Variants in ZRANB1 observed in about 807,000 individuals in gnomAD.
ZRANB1 encodes the protein zinc finger RANBP2-type containing 1.
ZRANB1 carries 16 observed loss-of-function variants against 80.5 expected under a neutral mutation model. The observed-to-expected ratio is 0.20, with a 90% CI of 0.13 to 0.30. ZRANB1 has a LOEUF of 0.30. ZRANB1 is among the 10% of genes least tolerant of loss of function. ZRANB1 has a pLI of 1.00. For missense variants in ZRANB1, 576 were observed against 862.6 expected, an observed-to-expected ratio of 0.67 and a Z score of 4.16; for synonymous variants, 291 against 293.1, an observed-to-expected ratio of 0.99 and a Z score of 0.07.
Position 124,972,137 on chromosome 10 carries a change from G to A in ZRANB1, c.1156+19G>A, listed in dbSNP as rs138810144. 50 of 1,600,184 alleles carry A rather than the reference G, an allele frequency of 3.1e-5. No individual in the cohort carries two copies. The highest frequency in any genetic ancestry group is 1.7e-4 in the Middle Eastern group (1 of 5,986). ...CCAGCAGGTAACTCCAAAATCTAAC[G>A]TAAAAAGACTTTTTTATTTTATTAT... On this transcript the variant is annotated intron_variant, in intron 3 of 8. Transcript: ENST00000359653.
intron 1 of ZRANB1, among the ~76,000 whole-genome samples, chr10:124,956,190 A>G (rs993900923): frequency 2.6e-5 from 4 of 152,218 alleles, no homozygotes; most frequent in African/African-American, 9.6e-5. Flanking sequence ...CTTTCATTTA[A>G]AAAAGAAAGT....
In ZRANB1 at chr10:124,943,306, G is replaced by A. The variant is rs1433318662; in HGVS notation, c.813G>A (p.Val271=). 1 of 1,609,796 alleles carries A rather than the reference G, an allele frequency of 6.2e-7. No individual in the cohort carries two copies. The highest frequency in any genetic ancestry group is 1.1e-5 in the South Asian group (1 of 90,780). The change falls in exon 1 of 9, where the codon GTG becomes GTA. Residue 271 remains valine, a splice_region_variant and synonymous_variant. Transcript: ENST00000359653. The part of the protein sequence containing the change: ...KTDWLFLNAC[V]GVVEGDLAAI... ...ATTGGCTCTTCCTCAATGCTTGTGT[G>A]GGTAAGTTTCTGTATTCTGCATTTT...
chr10:124,974,132 T>C (rs1951853000), intron 4 of ZRANB1, 68 bp from the exon 5 acceptor site: 2 of 1,510,590 alleles, frequency 1.3e-6, no homozygotes, highest in Admixed American at 1.7e-5. Context: ...AAATAGGTTC[T>C]TCTCCCCATG....
the ZRANB1 span, among the ~76,000 whole-genome samples, chr10:124,920,484 CTGTA>C: frequency 4.0e-4 from 61 of 152,174 alleles, no homozygotes; most frequent in African/African-American, 1.4e-3. Context: ...TCAAGTTTCT[CTGTA>C]GTCTGGAACT....
intron 1 of ZRANB1, among the ~76,000 whole-genome samples, chr10:124,954,041 A>G (rs1392798163): frequency 6.8e-5 from 10 of 147,996 alleles, no homozygotes; most frequent in South Asian, 2.1e-4. Context: ...ATCACAGCTC[A>G]CTGCAGCCTC....
chr10:124,928,291 C>G, the ZRANB1 span, among the ~76,000 whole-genome samples: 1 of 151,990 alleles, frequency 6.6e-6, no homozygotes, highest in Non-Finnish European at 1.5e-5. Flanking sequence ...CCGAAGCATG[C>G]GGATGAGGTT....
At chr10:124,973,250 C>T (rs1336298703) in intron 3 of ZRANB1, among the ~76,000 whole-genome samples, 1 of 152,132 alleles carries the variant, frequency 6.6e-6, no homozygotes, top group African/African-American at 2.4e-5. Context: ...CCTCCCCAGG[C>T]TCAAACAGTT....
At chr10:124,920,523 A>T in the ZRANB1 span, among the ~76,000 whole-genome samples, 2 of 152,054 alleles carry the variant, frequency 1.3e-5, no homozygotes, top group African/African-American at 4.8e-5. Flanking sequence ...TCCTAACTCT[A>T]ATTTATTTGT....
chr10:124,985,021 G>C lies in ZRANB1; in HGVS notation c.*29G>C. Reference sequence around the variant, plus strand: ...AAAAAATCAAACAGCAGAAGACCAAGGCATCAGATCTGTAATGACCCTAAA... The same window carrying C: ...AAAAAATCAAACAGCAGAAGACCAACGCATCAGATCTGTAATGACCCTAAA... On this transcript the variant is annotated 3_prime_UTR_variant, in exon 9 of 9. Transcript: ENST00000359653. 6.5e-7 allele frequency: 1 copy of C among 1,542,314 alleles called. No individual in the cohort carries two copies. The highest frequency in any genetic ancestry group is 1.2e-5 in the South Asian group (1 of 86,126).
At chr10:124,973,901 T>C (rs1176416241) in intron 4 of ZRANB1, among the ~76,000 whole-genome samples, 185 bp downstream of exon 4, 7 of 152,338 alleles carry the variant, frequency 4.6e-5, no homozygotes, top group African/African-American at 1.4e-4. Context: ...CAAATAAAGA[T>C]ACAAAAATTT....
rs1268931912 is a variant in ZRANB1, at chr10:124,988,184, A to G, written c.*3192A>G. 1 of 152,638 alleles carries G rather than the reference A, an allele frequency of 6.6e-6. No homozygotes were observed. Among genetic ancestry groups the G allele is most frequent in the Non-Finnish European group, 1.5e-5 (1 of 68,048 alleles). 9.5% of individuals were successfully genotyped at this position (152,638 alleles called of 1,614,324 possible). On this transcript the variant is annotated 3_prime_UTR_variant, in exon 9 of 9. Coordinates refer to ENST00000359653, the MANE Select transcript of ZRANB1 (RefSeq NM_017580.3). ...TTTCAATTAAACTTTTTGTTATCACAGGTAATTAATTGTCAGCGGTCTTGA... is the reference window on the plus strand; with the variant it reads ...TTTCAATTAAACTTTTTGTTATCACGGGTAATTAATTGTCAGCGGTCTTGA...
At position 124,974,264 on chromosome 10, in the gene ZRANB1, A is replaced by G. The variant is rs751334726; in HGVS notation, c.1293A>G (p.Arg431=). Residue 431 remains arginine (R), a synonymous_variant, in exon 5 of 9, where the codon CGA becomes CGG. Coordinates refer to ENST00000359653, the MANE Select transcript of ZRANB1 (RefSeq NM_017580.3). ...SLELATRLDS[R]LYALWNRTAG... ...AATTGGCTACACGTTTGGACAGTCG[A>G]CTGTATGCACTTTGGAACCGGACTG... is the stretch of plus-strand genomic sequence containing the variant. 3.1e-6 allele frequency: 5 copies of G among 1,614,240 alleles called. No individual in the cohort carries two copies. The highest frequency in any genetic ancestry group is 1.3e-5 in the African/African-American group (1 of 75,058).
At chr10:124,978,552 C>T (rs1951901195) in intron 5 of ZRANB1, among the ~76,000 whole-genome samples, 1 of 152,112 alleles carries the variant, frequency 6.6e-6, no homozygotes, top group South Asian at 2.1e-4. Context: ...CATGCCAACC[C>T]AATTTCCCAC....
At chr10:124,919,921 C>CTT in the ZRANB1 span, among the ~76,000 whole-genome samples, 107 of 62,004 alleles carry the variant, frequency 1.7e-3, 2 homozygotes, top group African/African-American at 5.5e-3. Context: ...CCCCCCCCCC[C>CTT]TTTTTTTTTT....
At chr10:124,981,908 G>A in intron 6 of ZRANB1, 79 bp downstream of exon 6, 1 of 1,549,102 alleles carries the variant, frequency 6.5e-7, no homozygotes, top group South Asian at 1.2e-5. Context: ...AGCAAACCAT[G>A]TTGGGGGCAA....
Position 124,983,267 on chromosome 10 carries a change from T to C in ZRANB1, c.1641T>C (p.Ser547=), listed in dbSNP as rs746021959. The change falls in exon 7 of 9, where the codon AGT becomes AGC. Residue 547 remains serine (S), a synonymous_variant. Coordinates refer to ENST00000359653, the MANE Select transcript of ZRANB1 (RefSeq NM_017580.3). The surrounding 1 kb of genome is among the most constrained non-coding windows in gnomAD (Gnocchi z 6.2). ...IIVYGVKYYK[S]FRGETLGYTR... The stretch of plus-strand genomic sequence containing the variant: ...TTTATGGAGTAAAATATTACAAGAG[T>C]TTCCGGGGAGAAACTTTAGGATATA... 3.1e-6 allele frequency: 5 copies of C among 1,613,828 alleles called. No homozygotes were observed. In the South Asian group the frequency reaches 4.4e-5, roughly 14 times the overall value.
chr10:124,933,210 C>G, the ZRANB1 span, among the ~76,000 whole-genome samples: 1 of 100,874 alleles, frequency 9.9e-6, no homozygotes, highest in East Asian at 3.8e-4. Context: ...GATCTCGGCT[C>G]ACTGCAACGT....
chr10:124,918,159 A>G, the ZRANB1 span, among the ~76,000 whole-genome samples: 2 of 152,210 alleles, frequency 1.3e-5, no homozygotes, highest in Non-Finnish European at 2.9e-5. Flanking sequence ...TCTAATGTGC[A>G]AAAATACCGT....
chr10:124,953,854 G>A (rs2134259725), intron 1 of ZRANB1, among the ~76,000 whole-genome samples: 1 of 152,240 alleles, frequency 6.6e-6, no homozygotes, highest in Non-Finnish European at 1.5e-5. Flanking sequence ...CACAGTTATG[G>A]CTACTTTTTA....
Sources: gnomAD v4.1 joint callset for allele counts (sites outside exome capture counted in the v4.1 genomes callset) on GRCh38, gnomAD v4.1.1 for gene constraint, Gnocchi (gnomAD v3.1) non-coding constraint, MANE v1.5 for transcripts, NCBI Gene and HGNC (gene_info 2026-07-23, HGNC 2026-07-21) for gene names.